The following LGSN variants were observed in gnomAD, a reference collection of about 807,000 sequenced individuals.
The protein encoded by LGSN is lengsin.
Under a neutral mutation model 19.5 loss-of-function variants are expected in LGSN, and 21 were observed. That is an observed-to-expected ratio of 1.07 (90% CI 0.76 to 1.55). The LOEUF is 1.55. Among genes scored for constraint, LGSN ranks in the 40% most tolerant of loss-of-function variants. The pLI is 0.00. For missense variants in LGSN, 673 were observed against 608.5 expected, an observed-to-expected ratio of 1.11 and a Z score of -1.12; for synonymous variants, 257 against 215.6, an observed-to-expected ratio of 1.19 and a Z score of -1.68.
At chr6:63,472,669 G>A in the LGSN span, among the ~76,000 whole-genome samples, 15 of 152,182 alleles carry the variant, frequency 9.9e-5, no homozygotes, top group African/African-American at 1.2e-4. Flanking sequence ...GGCCGGGCGC[G>A]GTGGCTCAAG....
the LGSN span, among the ~76,000 whole-genome samples, chr6:63,502,944 T>A: frequency 6.6e-6 from 1 of 152,240 alleles, no homozygotes; most frequent in South Asian, 2.1e-4. Context: ...AGTAAGAATC[T>A]ATGAATTAAT....
chr6:63,344,268 C>T, the LGSN span, among the ~76,000 whole-genome samples: 1 of 152,144 alleles, frequency 6.6e-6, no homozygotes, highest in Admixed American at 6.6e-5. Context: ...TTGGACTTCT[C>T]AGTAACGAAG....
the LGSN span, among the ~76,000 whole-genome samples, chr6:63,420,761 G>T: frequency 6.6e-6 from 1 of 151,924 alleles, no homozygotes; most frequent in African/African-American, 2.4e-5. Context: ...CCAAGAACCA[G>T]GAAGATCTCA....
At chr6:63,512,497 G>A in the LGSN span, among the ~76,000 whole-genome samples, 2 of 152,178 alleles carry the variant, frequency 1.3e-5, no homozygotes, top group Non-Finnish European at 2.9e-5. Flanking sequence ...TATCTTCCAT[G>A]CCCCACTTTT....
chr6:63,313,773 T>G (rs899715247), intron 1 of LGSN, among the ~76,000 whole-genome samples: 1 of 151,700 alleles, frequency 6.6e-6, no homozygotes, highest in Admixed American at 6.6e-5. Flanking sequence ...GAGGTGGAGG[T>G]TGCAGTGAGC....
At chr6:63,489,478 C>T in the LGSN span, among the ~76,000 whole-genome samples, 1 of 152,090 alleles carries the variant, frequency 6.6e-6, no homozygotes, top group South Asian at 2.1e-4. Flanking sequence ...AAGCAATTCT[C>T]ATGCCTCAGC....
the LGSN span, among the ~76,000 whole-genome samples, chr6:63,366,984 A>G: frequency 6.6e-6 from 1 of 152,052 alleles, no homozygotes; most frequent in African/African-American, 2.4e-5. Flanking sequence ...AACCATAAAA[A>G]CCCTAGAAGA....
chr6:63,375,753 A>C, the LGSN span, among the ~76,000 whole-genome samples: 1 of 152,154 alleles, frequency 6.6e-6, no homozygotes, highest in Non-Finnish European at 1.5e-5. Flanking sequence ...TGAGATAAGA[A>C]AAACAAGAGA....
At chr6:63,366,847 C>A in the LGSN span, among the ~76,000 whole-genome samples, 1 of 151,030 alleles carries the variant, frequency 6.6e-6, no homozygotes, top group African/African-American at 2.5e-5. Context: ...GGAAAGGATT[C>A]CCTATTTAAT....
chr6:63,348,431 G>T, the LGSN span, among the ~76,000 whole-genome samples: 2 of 152,038 alleles, frequency 1.3e-5, no homozygotes, highest in Admixed American at 6.6e-5. Context: ...TCCAGCCTGG[G>T]CGACAGAGTT....
the LGSN span, among the ~76,000 whole-genome samples, chr6:63,419,168 G>A: frequency 3.9e-5 from 6 of 152,100 alleles, no homozygotes; most frequent in Admixed American, 3.3e-4. Flanking sequence ...TGAGTCCTGA[G>A]GTTCCTAGCC....
intron 1 of LGSN, among the ~76,000 whole-genome samples, chr6:63,298,553 A>G (rs1310970224): frequency 6.6e-6 from 1 of 152,068 alleles, no homozygotes; most frequent in Non-Finnish European, 1.5e-5. Context: ...TCTTCGGCTT[A>G]GTTGATCAAG....
At chr6:63,550,696 C>T in the LGSN span, among the ~76,000 whole-genome samples, 3 of 152,054 alleles carry the variant, frequency 2.0e-5, no homozygotes, top group African/African-American at 7.2e-5. Flanking sequence ...ATGATCTCAG[C>T]TCACTGCAGG....
At chr6:63,363,222 G>A in the LGSN span, among the ~76,000 whole-genome samples, 1 of 152,166 alleles carries the variant, frequency 6.6e-6, no homozygotes, top group African/African-American at 2.4e-5. Context: ...ACCAAAGTTA[G>A]ATAAAACCAC....
chr6:63,503,919 A>G, the LGSN span, among the ~76,000 whole-genome samples: 1 of 152,200 alleles, frequency 6.6e-6, no homozygotes. Context: ...CCTGTCTCAA[A>G]AAAACCAAAA....
the LGSN span, among the ~76,000 whole-genome samples, chr6:63,418,391 T>C: frequency 6.6e-6 from 1 of 152,022 alleles, no homozygotes; most frequent in Non-Finnish European, 1.5e-5. Flanking sequence ...TGAAACCCCG[T>C]CTCTACTAAA....
the LGSN span, among the ~76,000 whole-genome samples, chr6:63,380,706 T>C: frequency 3.8e-3 from 585 of 152,330 alleles, 4 homozygotes; most frequent in Non-Finnish European, 4.8e-3. Flanking sequence ...TCCTAAATTT[T>C]TGTGCTCTTT....
At chr6:63,401,978 A>G in the LGSN span, among the ~76,000 whole-genome samples, 1 of 152,374 alleles carries the variant, frequency 6.6e-6, no homozygotes, top group East Asian at 1.9e-4. Context: ...AGCCATTACT[A>G]CTGCTAAGCA....
At chr6:63,353,371 T>C in the LGSN span, among the ~76,000 whole-genome samples, 3 of 151,948 alleles carry the variant, frequency 2.0e-5, no homozygotes, top group African/African-American at 7.3e-5. Context: ...GTGCAGAAAA[T>C]GTTCCCATCC....
Sources: allele counts gnomAD v4.1 joint callset (sites outside exome capture counted in the v4.1 genomes callset), GRCh38; gene constraint gnomAD v4.1.1; transcripts MANE v1.5; gene names NCBI Gene and HGNC (gene_info 2026-07-23, HGNC 2026-07-21).